ATP2B1: variants seen among roughly 807,000 people sequenced by gnomAD.
ATP2B1 encodes the protein plasma membrane calcium-transporting ATPase 1.
ATP2B1 carries 14 observed loss-of-function variants against 124.2 expected under a neutral mutation model. The ratio of observed to expected loss-of-function variants is 0.11; its 90% CI spans 0.07 to 0.18. The LOEUF (loss-of-function observed/expected upper bound fraction) is 0.18, where lower values mean the gene tolerates loss of function less well. Ranked by LOEUF, ATP2B1 falls within the 10% of genes least tolerant of loss-of-function variation. ATP2B1 has a pLI of 1.00. For synonymous variants in ATP2B1, 449 were observed against 492.4 expected (o/e 0.91, Z 1.17); for missense variants, 763 against 1,466.1 (o/e 0.52, Z 7.83).
chr12:89,610,077 C>T, intron 14 of ATP2B1, 34 bp from the exon 15 acceptor site: 3 of 1,549,702 alleles, frequency 1.9e-6, no homozygotes, highest in Non-Finnish European at 2.7e-6. Flanking sequence ...GTTATAAAAA[C>T]ATTACTCTTT....
chr12:89,695,442 C>T (rs1891029952), intron 1 of ATP2B1, among the ~76,000 whole-genome samples: 1 of 151,872 alleles, frequency 6.6e-6, no homozygotes, highest in African/African-American at 2.4e-5. Context: ...TATCTCAAAT[C>T]TGAAATTTTC....
chr12:89,630,393 T>G (rs1332321923), intron 6 of ATP2B1, 112 bp downstream of exon 6: 2 of 1,035,342 alleles, frequency 1.9e-6, no homozygotes, highest in Non-Finnish European at 2.6e-6. Flanking sequence ...AAAATCTTCT[T>G]TTAACTTTTT....
chr12:89,676,513 A>C (rs1592946323), intron 1 of ATP2B1, among the ~76,000 whole-genome samples: 1 of 151,930 alleles, frequency 6.6e-6, no homozygotes, highest in African/African-American at 2.4e-5. Context: ...GCTGATCTCC[A>C]CCTCCTGGTA....
chr12:89,652,207 C>T (rs1359032047), intron 2 of ATP2B1, among the ~76,000 whole-genome samples: 1 of 152,254 alleles, frequency 6.6e-6, no homozygotes. Flanking sequence ...AAAATGCCTA[C>T]TGCGTGGCAG....
At chr12:89,696,633 G>A (rs1241083329) in intron 1 of ATP2B1, among the ~76,000 whole-genome samples, 2 of 152,200 alleles carry the variant, frequency 1.3e-5, no homozygotes, top group East Asian at 1.9e-4. Context: ...AGGATTATGA[G>A]TGATTTGTTT....
intron 2 of ATP2B1, among the ~76,000 whole-genome samples, chr12:89,644,436 G>C (rs941636333): frequency 3.3e-5 from 5 of 150,778 alleles, no homozygotes; most frequent in African/African-American, 1.2e-4. Context: ...TTCATTGAAG[G>C]ATTCAACAAG....
intron 1 of ATP2B1, among the ~76,000 whole-genome samples, chr12:89,677,971 T>TATATATATATATATATATATACACAC (rs1461216851): frequency 2.0e-3 from 105 of 52,214 alleles, no homozygotes; most frequent in South Asian, 7.5e-3. Flanking sequence ...TATATATATA[T>TATATATATATATATATATATACACAC]ACACACACAC....
intron 1 of ATP2B1, among the ~76,000 whole-genome samples, chr12:89,699,500 G>A (rs1276520106): frequency 6.6e-6 from 1 of 152,166 alleles, no homozygotes; most frequent in Non-Finnish European, 1.5e-5. Context: ...GAAAGTTTGG[G>A]GGGAGCGGGT....
intron 1 of ATP2B1, among the ~76,000 whole-genome samples, chr12:89,669,031 T>G (rs1887621237): frequency 6.6e-6 from 1 of 152,078 alleles, no homozygotes; most frequent in Admixed American, 6.5e-5. Context: ...CTTTTTGAGC[T>G]TCTACAACAC....
At chr12:89,619,618 T>TAAAAAA (rs367554417) in intron 11 of ATP2B1, among the ~76,000 whole-genome samples, 28 of 123,044 alleles carry the variant, frequency 2.3e-4, no homozygotes, top group East Asian at 6.6e-4. Flanking sequence ...CTTAAACAAA[T>TAAAAAA]AAAAAAAAAA....
rs1019232373 is a variant in ATP2B1 at position 89,589,556 on chromosome 12, G to GT, written c.*1427dup. On this transcript the variant is annotated 3_prime_UTR_variant, in exon 21 of 21. Coordinates refer to ENST00000428670, the MANE Select transcript of ATP2B1 (RefSeq NM_001366521.1). ...AGACAATGGTGGTCATTGTTGTTAT[G>GT]TTTTTTACCTGTGAGACTATTTTAG... The GT allele has an allele frequency of 3.9e-5, 6 of 152,040 alleles. No homozygotes were observed. The highest frequency in any genetic ancestry group is 1.4e-4 in the African/African-American group (6 of 41,414). The allele number at this position is 152,040 out of a possible 1,614,324, so 9.4% of individuals were successfully genotyped here.
intron 1 of ATP2B1, among the ~76,000 whole-genome samples, chr12:89,684,725 T>A (rs1889759127): frequency 6.6e-6 from 1 of 152,174 alleles, no homozygotes; most frequent in South Asian, 2.1e-4. Context: ...TAAAACTTAA[T>A]CTTTTCCTTT....
intron 15 of ATP2B1, among the ~76,000 whole-genome samples, chr12:89,607,573 A>G (rs182580455): frequency 4.1e-4 from 62 of 152,302 alleles, no homozygotes; most frequent in African/African-American, 1.4e-3. Context: ...AATTTAAATA[A>G]AAGTATTTTA....
At chr12:89,647,705 T>C (rs1439572784) in intron 2 of ATP2B1, among the ~76,000 whole-genome samples, 1 of 152,206 alleles carries the variant, frequency 6.6e-6, no homozygotes, top group Non-Finnish European at 1.5e-5. Context: ...ATAGTAAGGA[T>C]GTTTATCCCT....
chr12:89,664,994 C>A (rs1412837186), intron 1 of ATP2B1, among the ~76,000 whole-genome samples: 1 of 152,022 alleles, frequency 6.6e-6, no homozygotes, highest in Non-Finnish European at 1.5e-5. Flanking sequence ...CCATATCCAG[C>A]TAATTTTTGT....
intron 1 of ATP2B1, among the ~76,000 whole-genome samples, chr12:89,694,040 G>T (rs933439699): frequency 2.6e-5 from 4 of 152,168 alleles, no homozygotes; most frequent in African/African-American, 9.7e-5. Flanking sequence ...AGGACAAGAA[G>T]ACTGGTTTCC....
At chr12:89,647,114 G>T (rs1884566846) in intron 2 of ATP2B1, among the ~76,000 whole-genome samples, 1 of 152,160 alleles carries the variant, frequency 6.6e-6, no homozygotes, top group Non-Finnish European at 1.5e-5. Context: ...TATAAATAAT[G>T]ATATCAAATT....
chr12:89,598,058 A>AAAAAAAAAAAAC (rs1167220860), intron 20 of ATP2B1, among the ~76,000 whole-genome samples: 1 of 150,890 alleles, frequency 6.6e-6, no homozygotes, highest in South Asian at 2.1e-4. Context: ...AAAAAAAAAA[A>AAAAAAAAAAAAC]AAAAATCAAA....
intron 6 of ATP2B1, among the ~76,000 whole-genome samples, chr12:89,629,319 A>G (rs572699042): frequency 1.3e-5 from 2 of 152,344 alleles, no homozygotes; most frequent in Non-Finnish European, 2.9e-5. Context: ...TAAAAAAATA[A>G]TAAGTCTTTA....
Sources: allele counts gnomAD v4.1 joint callset (sites outside exome capture counted in the v4.1 genomes callset), GRCh38; gene constraint gnomAD v4.1.1; transcripts MANE v1.5; gene names NCBI Gene and HGNC (gene_info 2026-07-23, HGNC 2026-07-21).